The following APPL2 variants were observed in gnomAD, a reference collection of about 807,000 sequenced individuals.
APPL2 encodes adaptor protein, phosphotyrosine interacting with PH domain and leucine zipper 2.
In APPL2, 84 loss-of-function variants were observed where a neutral mutation model predicts 92.7. The observed-to-expected ratio is 0.91, with a 90% CI of 0.76 to 1.09. The LOEUF is 1.09. Among genes scored for constraint, APPL2 ranks in the 50% least tolerant of loss-of-function variants. The probability of loss-of-function intolerance (pLI) is 0.00; values close to 1 mark genes in which losing one functional copy is unlikely to be tolerated. For missense variants in APPL2, 736 were observed against 824.5 expected, an observed-to-expected ratio of 0.89 and a Z score of 1.31; for synonymous variants, 291 against 291.0, an observed-to-expected ratio of 1.00 and a Z score of 0.00.
intron 17 of APPL2, among the ~76,000 whole-genome samples, chr12:105,183,213 G>A (rs986880240): frequency 6.6e-6 from 1 of 151,354 alleles, no homozygotes; most frequent in African/African-American, 2.4e-5. Context: ...TTTATCCAAT[G>A]TGCCAGTCTG....
At chr12:105,186,584 C>CT (rs1286498020) in intron 17 of APPL2, among the ~76,000 whole-genome samples, 2 of 122,046 alleles carry the variant, frequency 1.6e-5, no homozygotes, top group Admixed American at 7.8e-5. Context: ...CACATCCTTG[C>CT]TAAACGCTTA....
In APPL2 at chr12:105,189,869, G is replaced by T. The variant is rs767192445; in HGVS notation, c.1407-45C>A. 8.1e-6 allele frequency: 13 copies of T among 1,612,526 alleles called. No homozygotes were observed. In the East Asian group the frequency reaches 2.9e-4, roughly 36 times the overall value. On this transcript the variant is annotated intron_variant, in intron 15 of 20. Transcript: ENST00000258530. ...TGAACAAACACGACAGCTGCAGCTAGAAGGGCACTTAACACTTGAACTGGA... is the reference window on the plus strand; with the variant it reads ...TGAACAAACACGACAGCTGCAGCTATAAGGGCACTTAACACTTGAACTGGA...
rs1484037560 is a variant in APPL2, at chr12:105,197,959, A to G, written c.864-6T>C. 2 of 1,612,164 alleles carry G rather than the reference A, an allele frequency of 1.2e-6. No individual in the cohort carries two copies. The highest frequency in any genetic ancestry group is 3.4e-5 in the Admixed American group (2 of 59,572). ...TGGTGACCAGCCCTGTTTTGCTGTG[A>G]GTTGTGTTTTAAAAAGCCCATTAGT... On this transcript the variant is annotated splice_polypyrimidine_tract_variant and splice_region_variant and intron_variant, in intron 10 of 20. Coordinates refer to ENST00000258530, the MANE Select transcript of APPL2 (RefSeq NM_018171.5).
intron 17 of APPL2, among the ~76,000 whole-genome samples, chr12:105,178,369 G>T (rs1305239950): frequency 1.3e-5 from 2 of 152,124 alleles, no homozygotes; most frequent in African/African-American, 4.8e-5. Context: ...AATTTTAGTG[G>T]TTAGTGGCTT....
At chr12:105,224,364 C>T (rs1592834727) in intron 2 of APPL2, among the ~76,000 whole-genome samples, 1 of 152,224 alleles carries the variant, frequency 6.6e-6, no homozygotes, top group East Asian at 1.9e-4. Flanking sequence ...CTGCCTCTAG[C>T]GTATTACAAA....
At chr12:105,179,985 CA>C (rs1885957486) in intron 17 of APPL2, among the ~76,000 whole-genome samples, 1 of 152,166 alleles carries the variant, frequency 6.6e-6, no homozygotes, top group Non-Finnish European at 1.5e-5. Flanking sequence ...AATTAGACCC[CA>C]TTTGTCAATT....
intron 17 of APPL2, among the ~76,000 whole-genome samples, chr12:105,182,162 A>T (rs1246782622): frequency 6.6e-6 from 1 of 152,072 alleles, no homozygotes; most frequent in Non-Finnish European, 1.5e-5. Flanking sequence ...AGTAGCTGGG[A>T]TTACATAGGT....
rs780999183 is a variant in APPL2, at chr12:105,207,241, T to C, written c.475-34A>G. 2.5e-6 allele frequency: 4 copies of C among 1,598,394 alleles called. No individual in the cohort carries two copies. In the African/African-American group the frequency reaches 5.4e-5, roughly 21 times the overall value. On this transcript the variant is annotated intron_variant, in intron 7 of 20. Transcript: ENST00000258530. ...AAGGTGAAAGGAAAACTTCAAGTTG[T>C]CTACTGTACGTGACAATTCTGTAAA...
At chr12:105,208,273 C>T in intron 5 of APPL2, 74 bp from the exon 6 acceptor site, 2 of 1,561,690 alleles carry the variant, frequency 1.3e-6, no homozygotes, top group Non-Finnish European at 8.8e-7. Context: ...TGCACTTTCC[C>T]CTGAAAATAA....
chr12:105,188,126 A>T, intron 17 of APPL2, 147 bp downstream of exon 17: 1 of 859,550 alleles, frequency 1.2e-6, no homozygotes, highest in South Asian at 1.8e-5. Context: ...AGCACTTTCT[A>T]GGCTATCTAT....
At chr12:105,200,864 G>GTATGTATC (rs757298388) in intron 9 of APPL2, among the ~76,000 whole-genome samples, 1,784 of 134,978 alleles carry the variant, frequency 0.013, 18 homozygotes, top group East Asian at 0.029. Flanking sequence ...ATGTATGTAT[G>GTATGTATC]TATCTATCTA....
At chr12:105,194,961 G>C (rs1380867151) in intron 14 of APPL2, among the ~76,000 whole-genome samples, 1 of 152,034 alleles carries the variant, frequency 6.6e-6, no homozygotes, top group African/African-American at 2.4e-5. Context: ...AGAAAATGTG[G>C]GGAGAACTCC....
chr12:105,195,260 C>T lies in APPL2; in HGVS notation c.1241+1G>A, dbSNP rs1168794084. 6.2e-7 allele frequency: 1 copy of T among 1,614,096 alleles called. No homozygotes were observed. The highest frequency in any genetic ancestry group is 8.5e-7 in the Non-Finnish European group (1 of 1,179,970). On this transcript the variant is annotated splice_donor_variant, in intron 14 of 20. Coordinates refer to ENST00000258530, the MANE Select transcript of APPL2 (RefSeq NM_018171.5). LOFTEE classifies it high-confidence loss of function. ...CTAGTTTTTCTTTGTCCTTTAGTTA[C>T]CTGGGGCATGAGCTTTCTTGTTTTT...
intron 17 of APPL2, among the ~76,000 whole-genome samples, chr12:105,181,554 ACT>A (rs950889730): frequency 3.4e-4 from 51 of 151,666 alleles, no homozygotes; most frequent in African/African-American, 1.2e-3. Context: ...CCTCTTTGTA[ACT>A]CTGGTAGAAT....
intron 10 of APPL2, among the ~76,000 whole-genome samples, chr12:105,199,019 C>T (rs1887904635): frequency 6.6e-6 from 1 of 152,232 alleles, no homozygotes; most frequent in African/African-American, 2.4e-5. Context: ...GTCTCCAGCA[C>T]ATGGCTCTCA....
chr12:105,226,618 G>A (rs1387654154), intron 2 of APPL2, among the ~76,000 whole-genome samples: 4 of 152,318 alleles, frequency 2.6e-5, no homozygotes, highest in Admixed American at 6.5e-5. Flanking sequence ...AGTCTCTCAC[G>A]TCTTGGGTTT....
intron 17 of APPL2, among the ~76,000 whole-genome samples, chr12:105,183,067 CTGCTTT>C (rs1237584544): frequency 1.1e-4 from 12 of 113,786 alleles, no homozygotes; most frequent in Admixed American, 7.2e-4. Context: ...ATTGCAACCC[CTGCTTT>C]TTTTTTTTTT....
At chr12:105,207,836 G>T (rs1284303850) in intron 7 of APPL2, 135 bp downstream of exon 7, 10 of 737,016 alleles carry the variant, frequency 1.4e-5, no homozygotes, top group Admixed American at 5.5e-5. Flanking sequence ...GATTTGGAAT[G>T]AACAATTTTA....
chr12:105,235,822 C>A, intron 1 of APPL2, 137 bp downstream of exon 1: 1 of 591,428 alleles, frequency 1.7e-6, no homozygotes, highest in Non-Finnish European at 2.4e-6. Flanking sequence ...CCGAGAGAAC[C>A]CGGTGGGAGG....
Sources: gnomAD v4.1 joint callset for allele counts (sites outside exome capture counted in the v4.1 genomes callset) on GRCh38, gnomAD v4.1.1 for gene constraint, MANE v1.5 for transcripts, NCBI Gene and HGNC (gene_info 2026-07-23, HGNC 2026-07-21) for gene names.